Variants in CNTN4 observed in about 807,000 individuals in gnomAD.
CNTN4 encodes contactin 4.
Under a neutral mutation model 122.5 loss-of-function variants are expected in CNTN4, and 77 were observed. The ratio of observed to expected loss-of-function variants is 0.63; its 90% CI spans 0.52 to 0.76. The LOEUF (loss-of-function observed/expected upper bound fraction) is 0.76. Ranked by LOEUF, CNTN4 falls within the 30% of genes least tolerant of loss-of-function variation. The pLI, the probability that CNTN4 is intolerant of heterozygous loss-of-function variation, is 0.00. For missense variants in CNTN4, 1,256 were observed against 1,259.1 expected (o/e 1.00, Z 0.04); for synonymous variants, 512 against 447.0 (o/e 1.15, Z -1.83).
chr3:2,180,279 G>A (rs1336835770), intron 2 of CNTN4, among the ~76,000 whole-genome samples: 4 of 151,992 alleles, frequency 2.6e-5, no homozygotes, highest in Non-Finnish European at 5.9e-5. Context: ...GGTCATGTAG[G>A]ATACTAGGTA....
intron 7 of CNTN4, among the ~76,000 whole-genome samples, chr3:2,845,176 CA>C (rs1441958917): frequency 6.6e-6 from 1 of 152,050 alleles, no homozygotes; most frequent in Admixed American, 6.5e-5. Context: ...GACAATTATA[CA>C]AGTTTATTTT....
intron 4 of CNTN4, among the ~76,000 whole-genome samples, chr3:2,589,699 G>A (rs757256265): frequency 1.2e-4 from 18 of 152,210 alleles, no homozygotes; most frequent in South Asian, 2.1e-4. Context: ...CTGGGGCTGC[G>A]GTTGCTGAAG....
chr3:2,233,145 C>T (rs2039552604), intron 2 of CNTN4, among the ~76,000 whole-genome samples: 1 of 151,988 alleles, frequency 6.6e-6, no homozygotes, highest in African/African-American at 2.4e-5. Context: ...CTGTCTTGAG[C>T]TATGACAGTT....
At chr3:2,305,237 A>G (rs1385071434) in intron 2 of CNTN4, among the ~76,000 whole-genome samples, 1 of 152,140 alleles carries the variant, frequency 6.6e-6, no homozygotes, top group Non-Finnish European at 1.5e-5. Flanking sequence ...GCATGGCAGT[A>G]AGTAGCTTTC....
chr3:2,400,740 G>A (rs2046827624), intron 3 of CNTN4, among the ~76,000 whole-genome samples: 1 of 151,168 alleles, frequency 6.6e-6, no homozygotes, highest in South Asian at 2.1e-4. Flanking sequence ...AACTAACTTT[G>A]TGGTGGCTTT....
intron 12 of CNTN4, among the ~76,000 whole-genome samples, chr3:2,905,825 A>G (rs2094224383): frequency 6.6e-6 from 1 of 152,260 alleles, no homozygotes; most frequent in Non-Finnish European, 1.5e-5. Context: ...TTTGACAAAC[A>G]CAAAGAATAG....
At chr3:2,184,837 C>T (rs534665655) in intron 2 of CNTN4, among the ~76,000 whole-genome samples, 82 of 152,252 alleles carry the variant, frequency 5.4e-4, no homozygotes, top group African/African-American at 1.8e-3. Context: ...AAAAAAATTT[C>T]CATGTTTACA....
At chr3:2,204,014 A>G (rs1264572567) in intron 2 of CNTN4, among the ~76,000 whole-genome samples, 1 of 152,202 alleles carries the variant, frequency 6.6e-6, no homozygotes, top group African/African-American at 2.4e-5. Flanking sequence ...AAACATACAT[A>G]TATATTCCAA....
Position 2,710,067 on chromosome 3 carries a change from C to T in CNTN4, c.56-26148C>T, listed in dbSNP as rs549181525. Among the ~76,000 whole-genome samples the T allele has an allele frequency of 4.6e-5, 7 of 152,258 alleles. No individual in the cohort carries two copies. The East Asian group carries it at 1.3e-3, about 29-fold the overall frequency. ...CTGATTAAAAAGTAAATTATTAGCA[C>T]TAGGTATAATATTAGTTCGAACCAC... On this transcript the variant is annotated intron_variant, in intron 4 of 24. Coordinates refer to ENST00000418658, the MANE Select transcript of CNTN4 (RefSeq NM_175607.3).
intron 3 of CNTN4, chr3:2,362,791 A>C (rs1442484109): frequency 5.1e-6 from 1 of 195,354 alleles, no homozygotes; most frequent in Non-Finnish European, 1.1e-5. Flanking sequence ...TTGGATGGGA[A>C]AGAGAAAAAG....
intron 6 of CNTN4, among the ~76,000 whole-genome samples, chr3:2,768,309 C>T (rs1250195758): frequency 1.3e-5 from 2 of 152,128 alleles, no homozygotes; most frequent in Non-Finnish European, 2.9e-5. Context: ...GAAGGTTAAG[C>T]AGGAAATCTT....
chr3:2,955,026 C>T (rs1338620734), intron 13 of CNTN4, among the ~76,000 whole-genome samples: 1 of 152,106 alleles, frequency 6.6e-6, no homozygotes, highest in Admixed American at 6.6e-5. Flanking sequence ...ATAATAGCAG[C>T]CAGGTTATCT....
chr3:2,686,044 C>T (rs1002859891), intron 4 of CNTN4, among the ~76,000 whole-genome samples: 1 of 152,096 alleles, frequency 6.6e-6, no homozygotes, highest in African/African-American at 2.4e-5. Context: ...TGAATACACA[C>T]AAAAAGAAAT....
intron 14 of CNTN4, among the ~76,000 whole-genome samples, chr3:3,021,890 A>G (rs1238195189): frequency 6.6e-6 from 1 of 152,102 alleles, no homozygotes; most frequent in Non-Finnish European, 1.5e-5. Context: ...GACTGACCTG[A>G]GCAGTATAGC....
rs1353168400 is a variant in CNTN4 at position 2,385,073 on chromosome 3, T to C, written c.-89+45840T>C. ...CTTCCTAACTGGTCTATTCTGGTAT[T>C]ACCCAGAACAAATAAATTACATTGC... On this transcript the variant is annotated intron_variant, in intron 3 of 24. Transcript: ENST00000418658. This position sits in a 1 kb window ranked among gnomAD's most constrained non-coding sequence, Gnocchi z 4.0. Among the ~76,000 whole-genome samples the C allele has an allele frequency of 6.6e-6, 1 of 152,166 alleles. No individual in the cohort carries two copies. Among genetic ancestry groups the C allele is most frequent in the African/African-American group, 2.4e-5 (1 of 41,446 alleles).
chr3:2,990,843 A>G (rs1694989799), intron 14 of CNTN4, among the ~76,000 whole-genome samples: 2 of 152,242 alleles, frequency 1.3e-5, no homozygotes, highest in South Asian at 2.1e-4. Flanking sequence ...CCAAGTAAGT[A>G]TAGGATATAG....
intron 4 of CNTN4, among the ~76,000 whole-genome samples, chr3:2,585,955 C>T (rs947259449): frequency 5.2e-4 from 79 of 151,386 alleles, no homozygotes; most frequent in African/African-American, 1.6e-3. Flanking sequence ...TGACTTTTAT[C>T]ATATATTTCA....
intron 3 of CNTN4, among the ~76,000 whole-genome samples, chr3:2,433,513 A>G (rs2048152269): frequency 6.6e-6 from 1 of 151,982 alleles, no homozygotes; most frequent in Non-Finnish European, 1.5e-5. Flanking sequence ...TTTCATATAT[A>G]TTTTGGATAT....
chr3:2,603,456 C>G (rs1225435886), intron 4 of CNTN4, among the ~76,000 whole-genome samples: 1 of 152,030 alleles, frequency 6.6e-6, no homozygotes, highest in Non-Finnish European at 1.5e-5. Flanking sequence ...TTTACAGAAA[C>G]AAAATCCTAC....
Sources: allele counts gnomAD v4.1 joint callset (sites outside exome capture counted in the v4.1 genomes callset), GRCh38; gene constraint gnomAD v4.1.1; non-coding constraint Gnocchi (gnomAD v3.1); transcripts MANE v1.5; gene names NCBI Gene and HGNC (gene_info 2026-07-23, HGNC 2026-07-21).